Variants in SLC35F2 observed in about 807,000 individuals in gnomAD.
SLC35F2 encodes the protein queuine/queuosine transporter SLC35F2.
SLC35F2 carries 25 observed loss-of-function variants against 38.1 expected under a neutral mutation model. The observed-to-expected ratio is 0.66, with a 90% CI of 0.48 to 0.92. The LOEUF (loss-of-function observed/expected upper bound fraction) is 0.92, where lower values mean the gene tolerates loss of function less well. Among genes scored for constraint, SLC35F2 ranks in the 40% least tolerant of loss-of-function variants. The pLI is 0.00. For missense variants in SLC35F2, 409 were observed against 452.9 expected (o/e 0.90, Z 0.88); for synonymous variants, 173 against 181.7 (o/e 0.95, Z 0.38).
At chr11:107,793,674 G>A (rs1259650813) in intron 7 of SLC35F2, among the ~76,000 whole-genome samples, 4 of 152,152 alleles carry the variant, frequency 2.6e-5, no homozygotes, top group Non-Finnish European at 5.9e-5. Flanking sequence ...ATTCAGAATT[G>A]TAGAGCTAGA....
Position 107,792,727 on chromosome 11 carries a change from C to T in SLC35F2, c.1013G>A (p.Arg338His), listed in dbSNP as rs377369981. 39 of 1,613,572 alleles carry T rather than the reference C, an allele frequency of 2.4e-5. 1 individual carries two copies. Among genetic ancestry groups the T allele is most frequent in the Admixed American group, 5.0e-5 (3 of 59,922 alleles). Residue 338 changes from arginine (R) to histidine (H), a missense_variant, in exon 8 of 8, where the codon CGC (arginine) becomes CAC (histidine). By Grantham distance (29) the Arg-to-His change is conservative (BLOSUM62 0). Transcript: ENST00000525815. Reference sequence around the variant, plus strand: ...GCTGCTTTCAGCCGGCTCGGCCGTGCGAGTAGGGGTGGAGCAGTACAGGAT... The same window carrying T: ...GCTGCTTTCAGCCGGCTCGGCCGTGTGAGTAGGGGTGGAGCAGTACAGGAT... ...GFILYCSTPT[R>H]TAEPAESSVP...
chr11:107,842,106 A>C (rs112511086), intron 1 of SLC35F2, among the ~76,000 whole-genome samples: 1 of 150,836 alleles, frequency 6.6e-6, no homozygotes, highest in East Asian at 1.9e-4. Context: ...AATAAAAATA[A>C]AAATACAAAA....
chr11:107,815,664 A>T (rs1170855260), intron 2 of SLC35F2, 126 bp downstream of exon 2: 1 of 1,122,860 alleles, frequency 8.9e-7, no homozygotes, highest in East Asian at 2.5e-5. Flanking sequence ...ACTTTAATCA[A>T]CAATTTCAGA....
At chr11:107,804,844 A>C in intron 5 of SLC35F2, 74 bp from the exon 6 acceptor site, 1 of 1,258,652 alleles carries the variant, frequency 7.9e-7, no homozygotes, top group South Asian at 1.3e-5. Context: ...TTTAGTCACT[A>C]TACTTCAGCT....
chr11:107,842,577 T>C (rs986586190), intron 1 of SLC35F2, among the ~76,000 whole-genome samples: 1 of 152,122 alleles, frequency 6.6e-6, no homozygotes, highest in African/African-American at 2.4e-5. Flanking sequence ...TGGAATGCAG[T>C]GGCGCAATCT....
At chr11:107,841,567 AAAAAAAAAAAAGTACACT>A (rs1459508418) in intron 1 of SLC35F2, among the ~76,000 whole-genome samples, 15 of 151,772 alleles carry the variant, frequency 9.9e-5, no homozygotes, top group African/African-American at 3.6e-4. Context: ...TCAAAAAAAA[AAAAAAAAAAAAGTACACT>A]AAAGCCAATA....
Position 107,792,382 on chromosome 11 carries a change from C to G in SLC35F2, c.*233G>C, listed in dbSNP as rs78350444. The G allele has an allele frequency of 2.1e-3, 914 of 442,758 alleles. 8 individuals are homozygous for G. The highest frequency in any genetic ancestry group is 0.017 in the African/African-American group (840 of 49,276). The allele number at this position is 442,758 out of a possible 1,614,324, so 27.4% of individuals were successfully genotyped here. On this transcript the variant is annotated 3_prime_UTR_variant, in exon 8 of 8. Coordinates refer to ENST00000525815, the MANE Select transcript of SLC35F2 (RefSeq NM_017515.5). ...GAGTCTGCACCTCATCTCCTCAACACGAACAGATATTGGTCCTCAAACACA... is the reference window on the plus strand; with the variant it reads ...GAGTCTGCACCTCATCTCCTCAACAGGAACAGATATTGGTCCTCAAACACA...
intron 1 of SLC35F2, among the ~76,000 whole-genome samples, chr11:107,852,625 T>C (rs1387952414): frequency 6.6e-6 from 1 of 151,492 alleles, no homozygotes; most frequent in Admixed American, 6.6e-5. Context: ...ATCCCAGCAC[T>C]TTGGAGGGGG....
At chr11:107,821,949 G>A (rs1034854504) in intron 1 of SLC35F2, among the ~76,000 whole-genome samples, 3 of 152,262 alleles carry the variant, frequency 2.0e-5, no homozygotes, top group African/African-American at 7.2e-5. Flanking sequence ...AAGAATTTAA[G>A]GCATGAGGCC....
At chr11:107,823,119 A>G (rs930658879) in intron 1 of SLC35F2, 2 of 983,570 alleles carry the variant, frequency 2.0e-6, no homozygotes, top group African/African-American at 1.7e-5. Flanking sequence ...TTTAAAAATA[A>G]CACTGACAAC....
intron 2 of SLC35F2, among the ~76,000 whole-genome samples, chr11:107,812,268 C>G (rs117257922): frequency 0.017 from 2,590 of 152,254 alleles, 44 homozygotes; most frequent in South Asian, 0.074. Context: ...ACTCCTGCAA[C>G]AGCTCACCAG....
At chr11:107,825,361 CTTT>C (rs112751391) in intron 1 of SLC35F2, among the ~76,000 whole-genome samples, 2 of 123,620 alleles carry the variant, frequency 1.6e-5, no homozygotes, top group South Asian at 2.6e-4. Context: ...GCATTTCTTT[CTTT>C]TTTTTTTTTT....
intron 3 of SLC35F2, chr11:107,810,092 C>G: frequency 1.0e-6 from 1 of 985,436 alleles, no homozygotes; most frequent in Non-Finnish European, 1.2e-6. Flanking sequence ...TTTTGGACTA[C>G]CCAGGCCAGA....
chr11:107,829,432 A>AG (rs1565436411), intron 1 of SLC35F2, among the ~76,000 whole-genome samples: 2 of 146,784 alleles, frequency 1.4e-5, no homozygotes, highest in African/African-American at 2.6e-5. Flanking sequence ...AAAAAAAAAA[A>AG]CTTGTTTGAC....
intron 7 of SLC35F2, among the ~76,000 whole-genome samples, chr11:107,793,674 G>GTA (rs1859169302): frequency 6.6e-6 from 1 of 152,152 alleles, no homozygotes; most frequent in South Asian, 2.1e-4. Context: ...ATTCAGAATT[G>GTA]TAGAGCTAGA....
intron 1 of SLC35F2, among the ~76,000 whole-genome samples, chr11:107,838,975 T>C (rs571830751): frequency 1.2e-4 from 19 of 152,282 alleles, no homozygotes; most frequent in African/African-American, 3.6e-4. Flanking sequence ...AGATAGAGAT[T>C]ATTAGTACCA....
chr11:107,856,828 C>A (rs1468365053), intron 1 of SLC35F2, among the ~76,000 whole-genome samples: 1 of 103,730 alleles, frequency 9.6e-6, no homozygotes. Flanking sequence ...AGAGGGAGAC[C>A]GGAGCACAGA....
intron 7 of SLC35F2, among the ~76,000 whole-genome samples, chr11:107,800,984 A>C (rs1457843639): frequency 6.8e-6 from 1 of 147,090 alleles, no homozygotes; most frequent in Non-Finnish European, 1.5e-5. Context: ...GGTTCACTAC[A>C]ACCTCTGCCT....
chr11:107,803,359 A>T, intron 6 of SLC35F2: 1 of 985,342 alleles, frequency 1.0e-6, no homozygotes, highest in Non-Finnish European at 1.2e-6. Context: ...TAGATAAAGG[A>T]CCTCAAAAAA....
Sources: gnomAD v4.1 joint callset for allele counts (sites outside exome capture counted in the v4.1 genomes callset) on GRCh38, gnomAD v4.1.1 for gene constraint, MANE v1.5 for transcripts, NCBI Gene and HGNC (gene_info 2026-07-23, HGNC 2026-07-21) for gene names.